The following DTNB variants were observed in gnomAD, a reference collection of about 807,000 sequenced individuals.
The protein encoded by DTNB is DTN-B.
A neutral mutation model predicts 90.7 loss-of-function variants in DTNB; 63 were observed. The ratio of observed to expected loss-of-function variants is 0.69; its 90% CI spans 0.57 to 0.86. DTNB has a LOEUF of 0.86. Among genes scored for constraint, DTNB ranks in the 40% least tolerant of loss-of-function variants. DTNB has a pLI of 0.00. For missense variants in DTNB, 744 were observed against 807.1 expected (o/e 0.92, Z 0.95); for synonymous variants, 277 against 286.7 (o/e 0.97, Z 0.34).
At chr2:25,663,634 C>T (rs527303271) in intron 1 of DTNB, among the ~76,000 whole-genome samples, 3 of 152,288 alleles carry the variant, frequency 2.0e-5, no homozygotes, top group African/African-American at 4.8e-5. Flanking sequence ...GCACAGTTCT[C>T]CATATATTTC....
intron 8 of DTNB, among the ~76,000 whole-genome samples, chr2:25,555,895 C>A (rs1434292711): frequency 6.6e-6 from 1 of 152,068 alleles, no homozygotes; most frequent in East Asian, 1.9e-4. Flanking sequence ...TGGCGTGTGC[C>A]TGTAATCCCA....
Position 25,634,866 on chromosome 2 carries a change from G to A in DTNB, c.148+4148C>T, listed in dbSNP as rs12991883. Among the ~76,000 whole-genome samples, 139 of 103,482 alleles carry A rather than the reference G, an allele frequency of 1.3e-3. 17 individuals carry two copies. The highest frequency in any genetic ancestry group is 0.013 in the Middle Eastern group (3 of 224). 67.9% of individuals were successfully genotyped at this position (103,482 alleles called of 152,430 possible). A position where few individuals can be genotyped will look rare whatever the true frequency, so the allele number is the denominator to read the frequency against. On this transcript the variant is annotated intron_variant, in intron 3 of 20. Coordinates refer to ENST00000406818, the MANE Select transcript of DTNB (RefSeq NM_021907.5). Reference sequence around the variant, plus strand: ...ACAGATGCTTGAAGGCAGCATGCTCGTTAAAAGTCATCACCACTCCCTAAT... The same window carrying A: ...ACAGATGCTTGAAGGCAGCATGCTCATTAAAAGTCATCACCACTCCCTAAT...
intron 4 of DTNB, among the ~76,000 whole-genome samples, chr2:25,625,050 C>T (rs1415487752): frequency 6.6e-6 from 1 of 152,106 alleles, no homozygotes; most frequent in Admixed American, 6.5e-5. Context: ...TGTTCCTGAC[C>T]GTTGTTGTAG....
intron 8 of DTNB, among the ~76,000 whole-genome samples, chr2:25,541,216 C>G (rs200271378): frequency 3.3e-5 from 5 of 152,068 alleles, no homozygotes; most frequent in African/African-American, 4.8e-5. Context: ...CAGTGGCTCA[C>G]GCCTGTAACC....
chr2:25,653,480 T>G (rs1339338286), intron 1 of DTNB, among the ~76,000 whole-genome samples: 3 of 87,858 alleles, frequency 3.4e-5, no homozygotes, highest in Non-Finnish European at 6.2e-5. Context: ...CAGAGCTTGC[T>G]TTCTTTCTTT....
chr2:25,607,576 T>C (rs1218950601), intron 4 of DTNB, among the ~76,000 whole-genome samples: 2 of 152,206 alleles, frequency 1.3e-5, no homozygotes, highest in African/African-American at 4.8e-5. Context: ...CTGTTGGCTA[T>C]GTAGCAGAGG....
intron 6 of DTNB, among the ~76,000 whole-genome samples, chr2:25,594,565 T>C (rs2064207567): frequency 6.6e-6 from 1 of 152,244 alleles, no homozygotes; most frequent in Non-Finnish European, 1.5e-5. Flanking sequence ...TGTGCATGTG[T>C]TTTTCATTCG....
intron 19 of DTNB, 168 bp downstream of exon 19, chr2:25,383,668 G>A: frequency 7.0e-7 from 1 of 1,436,022 alleles, no homozygotes; most frequent in Non-Finnish European, 9.3e-7. Flanking sequence ...TTGTCACCTG[G>A]AAGGTAAAAC....
chr2:25,595,885 C>A (rs2064500234), intron 6 of DTNB, among the ~76,000 whole-genome samples: 1 of 140,982 alleles, frequency 7.1e-6, no homozygotes, highest in Admixed American at 7.1e-5. Context: ...CACCACCCCC[C>A]CACCCCCAGT....
intron 10 of DTNB, among the ~76,000 whole-genome samples, chr2:25,456,583 GT>G (rs1191228581): frequency 6.6e-6 from 1 of 151,026 alleles, no homozygotes; most frequent in African/African-American, 2.4e-5. Flanking sequence ...TTGTTTTTTT[GT>G]TTTTTTGAGA....
intron 7 of DTNB, among the ~76,000 whole-genome samples, chr2:25,579,514 A>G (rs1350065075): frequency 6.6e-6 from 1 of 152,216 alleles, no homozygotes; most frequent in Non-Finnish European, 1.5e-5. Context: ...AGGGAAGGTT[A>G]CTAGAAACAC....
At chr2:25,528,332 A>G (rs952815440) in intron 9 of DTNB, among the ~76,000 whole-genome samples, 3 of 152,232 alleles carry the variant, frequency 2.0e-5, no homozygotes, top group Admixed American at 2.0e-4. Context: ...TGCTGAAAGC[A>G]TTCTCTGTGG....
At chr2:25,531,794 G>A (rs1002210688) in intron 8 of DTNB, among the ~76,000 whole-genome samples, 197 bp from the exon 9 acceptor site, 1 of 152,158 alleles carries the variant, frequency 6.6e-6, no homozygotes, top group Non-Finnish European at 1.5e-5. Context: ...CTTCATTTCT[G>A]CAGTTCCTCC....
chr2:25,599,230 G>T (rs1183754996), intron 5 of DTNB, among the ~76,000 whole-genome samples: 1 of 151,308 alleles, frequency 6.6e-6, no homozygotes, highest in African/African-American at 2.4e-5. Flanking sequence ...TTAAAAGTTA[G>T]GATTATTTTA....
chr2:25,531,183 C>T (rs991929112), intron 9 of DTNB, among the ~76,000 whole-genome samples: 8 of 152,180 alleles, frequency 5.3e-5, no homozygotes, highest in African/African-American at 1.7e-4. Flanking sequence ...AACCCAAAAT[C>T]ACAAAAGGCA....
In DTNB at chr2:25,388,323, A is replaced by G; in HGVS notation, c.1614T>C (p.His538=). 1 of 1,613,102 alleles carries G rather than the reference A, an allele frequency of 6.2e-7. No individual in the cohort carries two copies. Among genetic ancestry groups the G allele is most frequent in the Non-Finnish European group, 8.5e-7 (1 of 1,179,328 alleles). ...GCATGGGCATTGGCCGGCCGCCTCC[A>G]TGGGTGGGCGATGTATGTGGTGACC... is the stretch of plus-strand genomic sequence containing the variant. ...ATGSPHTSPT[H]GGGRPMPMPV... The change falls in exon 17 of 21, where the codon CAT becomes CAC. Residue 538 remains histidine, a synonymous_variant. Transcript: ENST00000406818.
chr2:25,497,556 G>A (rs986811546), intron 9 of DTNB: 3 of 152,190 alleles, frequency 2.0e-5, no homozygotes, highest in African/African-American at 4.8e-5. Context: ...GGGAATGCAA[G>A]CAGGGTGAAA....
At position 25,628,331 on chromosome 2, in the gene DTNB, T is replaced by C. The variant is rs1291238997; in HGVS notation, c.202A>G (p.Asn68Asp). Reference sequence around the variant, plus strand: ...ATCTCGGTGGTATGGTCCAGTGTATTAAGGCCATTGTCTCGGAAGGCTTCA... The same window carrying C: ...ATCTCGGTGGTATGGTCCAGTGTATCAAGGCCATTGTCTCGGAAGGCTTCA... ...MIEAFRDNGL[N>D]TLDHTTEISV... Residue 68 changes from asparagine (N) to aspartate (D), a missense_variant, in exon 4 of 21, where the codon AAT (asparagine) becomes GAT (aspartate). Asn to Asp is a conservative substitution (Grantham distance 23). Coordinates refer to ENST00000406818, the MANE Select transcript of DTNB (RefSeq NM_021907.5). 6.2e-7 allele frequency: 1 copy of C among 1,607,298 alleles called. No homozygotes were observed. Among genetic ancestry groups the C allele is most frequent in the East Asian group, 2.2e-5 (1 of 44,612 alleles).
At chr2:25,620,422 TTCTC>T (rs1435756812) in intron 4 of DTNB, among the ~76,000 whole-genome samples, 3 of 152,282 alleles carry the variant, frequency 2.0e-5, no homozygotes, top group African/African-American at 4.8e-5. Context: ...TTGTTACTAC[TTCTC>T]TCTGTTTCAG....
Sources: allele counts gnomAD v4.1 joint callset (sites outside exome capture counted in the v4.1 genomes callset), GRCh38; gene constraint gnomAD v4.1.1; transcripts MANE v1.5; gene names NCBI Gene and HGNC (gene_info 2026-07-23, HGNC 2026-07-21).